MGME1: variants seen among roughly 807,000 people sequenced by gnomAD.
MGME1 encodes mitochondrial genome maintenance exonuclease 1, also known as chromosome 20 open reading frame 72.
Under a neutral mutation model 33.0 loss-of-function variants are expected in MGME1, and 22 were observed. That is an observed-to-expected ratio of 0.67 (90% CI 0.48 to 0.95). The LOEUF is 0.95. Among genes scored for constraint, MGME1 ranks in the 40% least tolerant of loss-of-function variants. The pLI is 0.00. For missense variants in MGME1, 383 were observed against 397.8 expected, an observed-to-expected ratio of 0.96 and a Z score of 0.32; for synonymous variants, 133 against 144.0, an observed-to-expected ratio of 0.92 and a Z score of 0.55.
chr20:17,979,774 A>G (rs1425230036), intron 3 of MGME1, among the ~76,000 whole-genome samples: 1 of 151,958 alleles, frequency 6.6e-6, no homozygotes, highest in African/African-American at 2.4e-5. Flanking sequence ...ACTGTCACCC[A>G]TGCTGGAGTG....
At chr20:17,981,525 A>G (rs1264719083) in intron 3 of MGME1, among the ~76,000 whole-genome samples, 5 of 152,152 alleles carry the variant, frequency 3.3e-5, no homozygotes, top group Non-Finnish European at 7.4e-5. Context: ...TTACTTTTTT[A>G]TAGAAATAAT....
chr20:17,981,648 C>CTGTGT (rs1491588702), intron 3 of MGME1, among the ~76,000 whole-genome samples: 14 of 139,810 alleles, frequency 1.0e-4, no homozygotes, highest in African/African-American at 3.2e-4. Flanking sequence ...ATCTACTACT[C>CTGTGT]GTGTGTGTGT....
At chr20:17,986,687 C>T (rs892431146) in intron 3 of MGME1, among the ~76,000 whole-genome samples, 5 of 151,986 alleles carry the variant, frequency 3.3e-5, no homozygotes, top group Admixed American at 1.3e-4. Context: ...ATAAAGATTG[C>T]GTGGAACCTA....
chr20:17,971,152 A>G (rs181776733), intron 2 of MGME1, among the ~76,000 whole-genome samples: 167 of 152,354 alleles, frequency 1.1e-3, no homozygotes, highest in African/African-American at 3.7e-3. Context: ...GACCCTTGCC[A>G]TAGCCTGGGC....
rs74529699 is a variant in MGME1, at chr20:17,969,679, C to T, written c.-59-122C>T. On this transcript the variant is annotated intron_variant, in intron 1 of 4. Coordinates refer to ENST00000377710, the MANE Select transcript of MGME1 (RefSeq NM_052865.4). ...TATAAATTTTTTTTGGAGGCAGGGT[C>T]TCGCTCTGTCGACTTTCTTAAGAAA... 3.3e-3 allele frequency: 1,977 copies of T among 599,586 alleles called. 25 individuals are homozygous for T. Among genetic ancestry groups the T allele is most frequent in the African/African-American group, 0.032 (1,730 of 53,880 alleles). The allele number at this position is 599,586 out of a possible 1,614,324, so 37.1% of individuals were successfully genotyped here.
intron 2 of MGME1, chr20:17,972,748 A>G: frequency 1.0e-6 from 1 of 985,416 alleles, no homozygotes; most frequent in Non-Finnish European, 1.2e-6. Flanking sequence ...GAACCTAGCC[A>G]GGGGTAAGTT....
rs2036273050 is a variant in MGME1 at position 17,990,422 on chromosome 20, G to GGA, written c.*314_*315insAG. ...CCTTGAGGGACATTGGGGGGGGGGG[G>GGA]GCGTGGTCCCAGGCAGGATGCCCAG... is the stretch of plus-strand genomic sequence containing the variant. On this transcript the variant is annotated 3_prime_UTR_variant, in exon 5 of 5. Coordinates refer to ENST00000377710, the MANE Select transcript of MGME1 (RefSeq NM_052865.4). 1 of 302,112 alleles carries GGA rather than the reference G, an allele frequency of 3.3e-6. No homozygotes were observed. 18.7% of individuals were successfully genotyped at this position (302,112 alleles called of 1,614,324 possible).
At chr20:17,989,172 T>C (rs967689521) in intron 4 of MGME1, among the ~76,000 whole-genome samples, 1 of 151,684 alleles carries the variant, frequency 6.6e-6, no homozygotes, top group Non-Finnish European at 1.5e-5. Context: ...GATCACCTGA[T>C]GTCAGGAGTT....
At chr20:17,982,888 A>G (rs1417867356) in intron 3 of MGME1, among the ~76,000 whole-genome samples, 3 of 152,180 alleles carry the variant, frequency 2.0e-5, no homozygotes, top group East Asian at 1.9e-4. Context: ...CACTTCACCT[A>G]TTTATCATTT....
At chr20:17,980,804 A>G (rs6111772) in intron 3 of MGME1, among the ~76,000 whole-genome samples, 70,404 of 147,864 alleles carry the variant, frequency 0.48, 17,130 homozygotes, top group East Asian at 0.61. Flanking sequence ...GTGAGACTCC[A>G]TCTCAAAAAA....
rs2035781643 is a variant in MGME1, at chr20:17,973,526, T to TG, written c.512-2157dup. On this transcript the variant is annotated intron_variant, in intron 2 of 4. Transcript: ENST00000377710. ...TGAATTAGCCAGGCGTGGTGGCACA[T>TG]GCCTGTAGAGGAAGCTGAGACAGGA... Among the ~76,000 whole-genome samples, 5 of 151,876 alleles carry TG rather than the reference T, an allele frequency of 3.3e-5. No homozygotes were observed. In the South Asian group the frequency reaches 1.0e-3, roughly 32 times the overall value.
chr20:17,981,648 C>CGT (rs10677204), intron 3 of MGME1, among the ~76,000 whole-genome samples: 38,244 of 139,550 alleles, frequency 0.27, 5,400 homozygotes, highest in South Asian at 0.43. Context: ...ATCTACTACT[C>CGT]GTGTGTGTGT....
Position 17,990,210 on chromosome 20 carries a change from G to C in MGME1, c.*101G>C. 1 of 974,578 alleles carries C rather than the reference G, an allele frequency of 1.0e-6. No individual in the cohort carries two copies. Among genetic ancestry groups the C allele is most frequent in the Non-Finnish European group, 1.6e-6 (1 of 614,634 alleles). The allele number at this position is 974,578 out of a possible 1,614,324, so 60.4% of individuals were successfully genotyped here. On this transcript the variant is annotated 3_prime_UTR_variant, in exon 5 of 5. Transcript: ENST00000377710. ...AAAAATGAGGTGCCACTGGATCTGA[G>C]TGCTACACGAACACAAGTAGAAGTA...
At chr20:17,977,237 G>A (rs1429422469) in intron 3 of MGME1, among the ~76,000 whole-genome samples, 1 of 151,828 alleles carries the variant, frequency 6.6e-6, no homozygotes, top group Admixed American at 6.6e-5. Flanking sequence ...TTAGCCAGGC[G>A]CAGTGGTGTG....
chr20:17,985,924 C>A (rs2036143198), intron 3 of MGME1, among the ~76,000 whole-genome samples: 1 of 152,196 alleles, frequency 6.6e-6, no homozygotes, highest in Non-Finnish European at 1.5e-5. Context: ...TTAAGCTACA[C>A]ATGACTGTAC....
chr20:17,989,213 C>G (rs1195378911), intron 4 of MGME1, among the ~76,000 whole-genome samples: 1 of 151,962 alleles, frequency 6.6e-6, no homozygotes, highest in Non-Finnish European at 1.5e-5. Context: ...TGGCGAAACC[C>G]TGTCTCTACT....
rs1157418452 is a variant in MGME1, at chr20:17,988,187, T to C, written c.753T>C (p.Asp251=). The C allele has an allele frequency of 3.1e-6, 5 of 1,613,942 alleles. No individual in the cohort carries two copies. In the East Asian group the frequency reaches 6.7e-5, roughly 22 times the overall value. Residue 251 remains aspartate, a synonymous_variant, in exon 4 of 5, where the codon GAT becomes GAC. Transcript: ENST00000377710. ...TTAGGGGCAAGCTCTGTGTGATTGATTGGAAGACATCAGAGAAACCAAAGC... is the reference window on the plus strand; with the variant it reads ...TTAGGGGCAAGCTCTGTGTGATTGACTGGAAGACATCAGAGAAACCAAAGC... ...AEYQGKLCVI[D]WKTSEKPKPF... is the part of the protein sequence containing the mutation.
intron 3 of MGME1, among the ~76,000 whole-genome samples, chr20:17,982,842 A>G (rs2036058169): frequency 6.6e-6 from 1 of 152,196 alleles, no homozygotes; most frequent in East Asian, 1.9e-4. Context: ...ATGTATACCT[A>G]ATGGAAAGAT....
In MGME1 at chr20:17,990,519, A is replaced by AG. The variant is rs2036275533; in HGVS notation, c.*414dup. ...TTCCCCAGGGTTCACCCAGAGGGGA[A>AG]GGGGCTACATGCCCCCAGCTGTGTG... On this transcript the variant is annotated 3_prime_UTR_variant, in exon 5 of 5. Coordinates refer to ENST00000377710, the MANE Select transcript of MGME1 (RefSeq NM_052865.4). 3.6e-6 allele frequency: 1 copy of AG among 275,660 alleles called. No individual in the cohort carries two copies. Among genetic ancestry groups the AG allele is most frequent in the African/African-American group, 2.2e-5 (1 of 44,570 alleles). The allele number at this position is 275,660 out of a possible 1,614,324, so 17.1% of individuals were successfully genotyped here.
Sources: allele counts gnomAD v4.1 joint callset (sites outside exome capture counted in the v4.1 genomes callset), GRCh38; gene constraint gnomAD v4.1.1; transcripts MANE v1.5; gene names NCBI Gene and HGNC (gene_info 2026-07-23, HGNC 2026-07-21).